Variants in TMED5 observed in about 807,000 individuals in gnomAD.
TMED5 encodes the protein transmembrane emp24 domain-containing protein 5.
TMED5 carries 27 observed loss-of-function variants against 23.0 expected under a neutral mutation model. The ratio of observed to expected loss-of-function variants is 1.17; its 90% CI spans 0.86 to 1.62. TMED5 has a LOEUF of 1.62. Ranked by LOEUF, TMED5 falls within the 40% of genes most tolerant of loss-of-function variation. TMED5 has a pLI of 0.00. For synonymous variants in TMED5, 97 were observed against 100.8 expected (o/e 0.96, Z 0.23); for missense variants, 248 against 273.7 (o/e 0.91, Z 0.66).
In TMED5 at chr1:93,180,063, G is replaced by C. The variant is rs202135933; in HGVS notation, c.180C>G (p.Ile60Met). The C allele has an allele frequency of 5.3e-5, 85 of 1,612,844 alleles. No homozygotes were observed. The highest frequency in any genetic ancestry group is 7.0e-5 in the Non-Finnish European group (82 of 1,179,406). Residue 60 changes from isoleucine (I) to methionine (M), a missense_variant, in exon 1 of 4, where the codon ATC becomes ATG. Ile to Met is a conservative substitution (Grantham distance 10). Coordinates refer to ENST00000370282, the MANE Select transcript of TMED5 (RefSeq NM_016040.5). ...TATCCTCCGCACTTACTTGGTACTCGATCTCCAGCGAGGCCTTCAGGGGCA... is the reference window on the plus strand; with the variant it reads ...TATCCTCCGCACTTACTTGGTACTCCATCTCCAGCGAGGCCTTCAGGGGCA... The part of the protein sequence containing the change: ...QPMPLKASLE[I>M]EYQVLDGAGL...
intron 2 of TMED5, among the ~76,000 whole-genome samples, chr1:93,157,412 A>G (rs1007429000): frequency 6.6e-6 from 1 of 152,198 alleles, no homozygotes; most frequent in East Asian, 1.9e-4. Context: ...ACCCTAGTTA[A>G]AATTAGTTTC....
chr1:93,158,524 A>G (rs1245717007), intron 2 of TMED5, among the ~76,000 whole-genome samples: 1 of 152,154 alleles, frequency 6.6e-6, no homozygotes, highest in Non-Finnish European at 1.5e-5. Flanking sequence ...AGACTGACAT[A>G]CATTTTGAAC....
intron 1 of TMED5, among the ~76,000 whole-genome samples, chr1:93,165,904 C>G (rs1293225858): frequency 6.6e-6 from 1 of 152,170 alleles, no homozygotes; most frequent in East Asian, 1.9e-4. Context: ...CCCTCCACCC[C>G]CCAGCCTCCC....
chr1:93,177,537 A>G (rs1648960109), intron 1 of TMED5, among the ~76,000 whole-genome samples: 1 of 135,014 alleles, frequency 7.4e-6, no homozygotes, highest in Admixed American at 8.4e-5. Flanking sequence ...AGGTCGCGCC[A>G]CTGCACTCCA....
At chr1:93,159,158 ATAGC>A (rs1648180804) in intron 2 of TMED5, among the ~76,000 whole-genome samples, 1 of 152,174 alleles carries the variant, frequency 6.6e-6, no homozygotes. Context: ...AATTTTAATA[ATAGC>A]TAGTTCTTAC....
At chr1:93,165,057 G>A (rs1263152026) in intron 1 of TMED5, among the ~76,000 whole-genome samples, 2 of 152,200 alleles carry the variant, frequency 1.3e-5, no homozygotes, top group Non-Finnish European at 2.9e-5. Flanking sequence ...GGGAACAGAA[G>A]CCTAAGTCCA....
chr1:93,153,334 CA>C lies in TMED5; in HGVS notation c.*1335del, dbSNP rs1278858373. The C allele has an allele frequency of 6.6e-6, 1 of 151,964 alleles. No individual in the cohort carries two copies. The allele number at this position is 151,964 out of a possible 1,614,324, so 9.4% of individuals were successfully genotyped here. A position where few individuals can be genotyped will look rare whatever the true frequency, so the allele number is the denominator to read the frequency against. On this transcript the variant is annotated 3_prime_UTR_variant, in exon 4 of 4. Coordinates refer to ENST00000370282, the MANE Select transcript of TMED5 (RefSeq NM_016040.5). Reference sequence around the variant, plus strand: ...ATGTTTCTAATCCTTACTTCAACATCAATAAATAAAGTGTTCAGAAAGGCCA... The same window carrying C: ...ATGTTTCTAATCCTTACTTCAACATCATAAATAAAGTGTTCAGAAAGGCCA...
At position 93,156,807 on chromosome 1, in the gene TMED5, CAAA is replaced by C. The variant is rs10572798; in HGVS notation, c.288-327_288-325del. On this transcript the variant is annotated intron_variant, in intron 2 of 3. Coordinates refer to ENST00000370282, the MANE Select transcript of TMED5 (RefSeq NM_016040.5). ...TGGGCAACAGAGCAAGATCCTGTCT[CAAA>C]AAAAAAAAAAAAAAAAAAGAAACCA... Among the ~76,000 whole-genome samples, 89 of 90,468 alleles carry C rather than the reference CAAA, an allele frequency of 9.8e-4. 1 individual carries two copies. Among genetic ancestry groups the C allele is most frequent in the African/African-American group, 3.1e-3 (80 of 26,126 alleles). 59.4% of individuals were successfully genotyped at this position (90,468 alleles called of 152,430 possible).
At chr1:93,174,481 C>CT (rs1051714082) in intron 1 of TMED5, among the ~76,000 whole-genome samples, 14 of 151,990 alleles carry the variant, frequency 9.2e-5, no homozygotes, top group South Asian at 6.2e-4. Flanking sequence ...CCATATCTCT[C>CT]TTTTTTTTAA....
Position 93,171,319 on chromosome 1 carries a change from G to A in TMED5, c.189+8735C>T, listed in dbSNP as rs1033062152. Reference sequence around the variant, plus strand: ...CCGAACATCAGAAGGAACAAACTCCGGACACGCTGCCTTTAAGAACTGTAA... The same window carrying A: ...CCGAACATCAGAAGGAACAAACTCCAGACACGCTGCCTTTAAGAACTGTAA... On this transcript the variant is annotated intron_variant, in intron 1 of 3. Transcript: ENST00000370282. 1.1e-4 allele frequency among the ~76,000 whole-genome samples: 17 copies of A among 152,272 alleles called. No homozygotes were observed. The East Asian group carries it at 1.9e-3, about 17-fold the overall frequency.
intron 1 of TMED5, among the ~76,000 whole-genome samples, chr1:93,170,444 C>G (rs1205618260): frequency 1.3e-5 from 2 of 152,224 alleles, no homozygotes; most frequent in East Asian, 3.9e-4. Flanking sequence ...CTCGCAGGAC[C>G]TTAGCTGCCT....
intron 2 of TMED5, among the ~76,000 whole-genome samples, chr1:93,157,076 T>C (rs1421190538): frequency 1.3e-5 from 2 of 152,142 alleles, no homozygotes; most frequent in Non-Finnish European, 2.9e-5. Flanking sequence ...TTAATATTTA[T>C]ACATTATTAA....
chr1:93,154,956 G>GTCACT, intron 3 of TMED5, 68 bp from the exon 4 acceptor site: 6 of 1,200,732 alleles, frequency 5.0e-6, no homozygotes, highest in Non-Finnish European at 7.1e-6. Context: ...TAAAAAATGA[G>GTCACT]GCTGGGTGCA....
At chr1:93,163,585 C>T (rs1226823221) in intron 1 of TMED5, among the ~76,000 whole-genome samples, 3 of 151,630 alleles carry the variant, frequency 2.0e-5, no homozygotes, top group African/African-American at 4.8e-5. Context: ...TCAAGTGATC[C>T]GCCCATCTCA....
Position 93,180,185 on chromosome 1 carries a change from C to T in TMED5, c.58G>A (p.Val20Met). 1 of 1,613,494 alleles carries T rather than the reference C, an allele frequency of 6.2e-7. No homozygotes were observed. The highest frequency in any genetic ancestry group is 8.5e-7 in the Non-Finnish European group (1 of 1,179,770). Residue 20 changes from valine to methionine, a missense_variant, in exon 1 of 4, where the codon GTG (valine) becomes ATG (methionine). Transcript: ENST00000370282. Reference sequence around the variant, plus strand: ...AAGCCGGCCGCCCCAGGCAGCAGCACCGGAGGCAGAGCGGCCAGAAGGAGC... The same window carrying T: ...AAGCCGGCCGCCCCAGGCAGCAGCATCGGAGGCAGAGCGGCCAGAAGGAGC... The part of the protein sequence containing the change: ...PVLLLAALPP[V>M]LLPGAAGFTP...
intron 1 of TMED5, chr1:93,161,844 T>C (rs1402347988): frequency 6.6e-6 from 1 of 152,230 alleles, no homozygotes; most frequent in Non-Finnish European, 1.5e-5. Context: ...TCACTATTTT[T>C]ATAACTCCAA....
chr1:93,178,858 A>G (rs1391383864), intron 1 of TMED5, among the ~76,000 whole-genome samples: 3 of 152,182 alleles, frequency 2.0e-5, no homozygotes, highest in Non-Finnish European at 4.4e-5. Flanking sequence ...CTCTACATCA[A>G]CTTAAAAAAT....
At position 93,160,126 on chromosome 1, in the gene TMED5, T is replaced by TA. The variant is rs747240366; in HGVS notation, c.287+2dup. ...TGAAACTCAACTAAAAGAGATTACT[T>TA]ACGTGTGAACTCCATCTGATTTTCT... On this transcript the variant is annotated splice_region_variant and intron_variant, in intron 2 of 3. Transcript: ENST00000370282. 4 of 1,595,408 alleles carry TA rather than the reference T, an allele frequency of 2.5e-6. No individual in the cohort carries two copies. The East Asian group carries it at 6.7e-5, about 27-fold the overall frequency.
chr1:93,151,921 T>G lies in TMED5; in HGVS notation c.*2749A>C, dbSNP rs187580984. The G allele has an allele frequency of 1.3e-4, 20 of 151,382 alleles. No homozygotes were observed. The East Asian group carries it at 3.7e-3, about 28-fold the overall frequency. 9.4% of individuals were successfully genotyped at this position (151,382 alleles called of 1,614,324 possible). A position where few individuals can be genotyped will look rare whatever the true frequency, so the allele number is the denominator to read the frequency against. ...GTTGCTTATTTAAGATGGCTGTTTA[T>G]AAGTATAAAGCAGTTTGAGCAACAC... On this transcript the variant is annotated 3_prime_UTR_variant, in exon 4 of 4. Transcript: ENST00000370282.
Sources: allele counts gnomAD v4.1 joint callset (sites outside exome capture counted in the v4.1 genomes callset), GRCh38; gene constraint gnomAD v4.1.1; transcripts MANE v1.5; gene names NCBI Gene and HGNC (gene_info 2026-07-23, HGNC 2026-07-21).